The following KCNN2 variants were observed in gnomAD, a reference collection of about 807,000 sequenced individuals.
KCNN2 encodes small conductance calcium-activated potassium channel protein 2.
Under a neutral mutation model 55.5 loss-of-function variants are expected in KCNN2, and 24 were observed. The observed-to-expected ratio is 0.43, with a 90% CI of 0.31 to 0.61. KCNN2 has a LOEUF of 0.61. Ranked by LOEUF, KCNN2 falls within the 20% of genes least tolerant of loss-of-function variation. The pLI is 0.08. For synonymous variants in KCNN2, 431 were observed against 336.1 expected (o/e 1.28, Z -3.09); for missense variants, 754 against 853.6 (o/e 0.88, Z 1.45).
chr5:114,378,781 C>T (rs1014965923), intron 2 of KCNN2, among the ~76,000 whole-genome samples: 2 of 152,080 alleles, frequency 1.3e-5, no homozygotes, highest in African/African-American at 2.4e-5. Context: ...TTCTGTGACA[C>T]TGTCGGTGTG....
chr5:114,370,946 G>C (rs994817543), intron 2 of KCNN2, among the ~76,000 whole-genome samples: 1 of 137,586 alleles, frequency 7.3e-6, no homozygotes, highest in East Asian at 2.6e-4. Context: ...GATACTATTA[G>C]GTAGTTGTTG....
intron 2 of KCNN2, among the ~76,000 whole-genome samples, chr5:114,339,106 T>C (rs1461944996): frequency 6.6e-6 from 1 of 152,208 alleles, no homozygotes; most frequent in Non-Finnish European, 1.5e-5. Flanking sequence ...TTTTTCTCTT[T>C]CTTTGCCAAA....
chr5:114,198,469 C>T (rs1361868230), intron 1 of KCNN2, among the ~76,000 whole-genome samples: 2 of 150,602 alleles, frequency 1.3e-5, no homozygotes, highest in African/African-American at 4.9e-5. Context: ...CATATACACA[C>T]ACACACACAC....
At chr5:114,445,999 A>G (rs1360811542) in intron 3 of KCNN2, among the ~76,000 whole-genome samples, 1 of 152,202 alleles carries the variant, frequency 6.6e-6, no homozygotes, top group Non-Finnish European at 1.5e-5. Flanking sequence ...TGTGAAGCCT[A>G]GGATAATTCT....
intron 1 of KCNN2, among the ~76,000 whole-genome samples, chr5:114,191,049 A>G (rs1753439506): frequency 6.6e-6 from 1 of 152,188 alleles, no homozygotes; most frequent in Admixed American, 6.6e-5. Context: ...AAATACATCC[A>G]TGGTGATGAT....
chr5:114,431,849 CAG>C (rs1430169695), intron 3 of KCNN2, among the ~76,000 whole-genome samples: 1 of 152,030 alleles, frequency 6.6e-6, no homozygotes, highest in Non-Finnish European at 1.5e-5. Context: ...TGTACTATTT[CAG>C]AGTTTATTGT....
At chr5:114,419,277 G>A (rs1759401269) in intron 3 of KCNN2, among the ~76,000 whole-genome samples, 2 of 152,120 alleles carry the variant, frequency 1.3e-5, no homozygotes, top group African/African-American at 2.4e-5. Context: ...TTTTTTAATT[G>A]TTTGGCGAAA....
intron 2 of KCNN2, among the ~76,000 whole-genome samples, chr5:114,244,540 C>T (rs1046953768): frequency 6.7e-6 from 1 of 150,348 alleles, no homozygotes; most frequent in East Asian, 2.0e-4. Flanking sequence ...GAGGTTACAG[C>T]GAGCCGAGAT....
At chr5:114,268,841 T>C (rs1420991775) in intron 2 of KCNN2, among the ~76,000 whole-genome samples, 5 of 151,988 alleles carry the variant, frequency 3.3e-5, no homozygotes, top group African/African-American at 1.2e-4. Flanking sequence ...ACAAATGTAA[T>C]TGAGTACCAC....
At chr5:114,487,576 T>C (rs941529916) in intron 6 of KCNN2, among the ~76,000 whole-genome samples, 5 of 152,208 alleles carry the variant, frequency 3.3e-5, no homozygotes, top group Admixed American at 6.5e-5. Context: ...AATTTTAAGT[T>C]AGTTTTTAAT....
chr5:114,218,722 A>G (rs1292019684), intron 1 of KCNN2, among the ~76,000 whole-genome samples: 2 of 152,218 alleles, frequency 1.3e-5, no homozygotes, highest in Non-Finnish European at 2.9e-5. Context: ...AATGTAAACT[A>G]TGGACTTCGG....
intron 1 of KCNN2, among the ~76,000 whole-genome samples, chr5:114,194,932 A>G (rs906641730): frequency 6.7e-6 from 1 of 149,902 alleles, no homozygotes; most frequent in African/African-American, 2.5e-5. Flanking sequence ...TCCCAGTGCC[A>G]TCTGTTGAGA....
chr5:114,120,002 T>C (rs998539103), intron 1 of KCNN2, among the ~76,000 whole-genome samples: 6 of 152,112 alleles, frequency 3.9e-5, no homozygotes, highest in African/African-American at 1.4e-4. Flanking sequence ...TGTGCAAACT[T>C]ATTTATTTAC....
At chr5:114,196,305 A>G (rs985054051) in intron 1 of KCNN2, among the ~76,000 whole-genome samples, 1 of 151,994 alleles carries the variant, frequency 6.6e-6, no homozygotes, top group South Asian at 2.1e-4. Context: ...ATCTGTGTTC[A>G]TAAGGGATAT....
intron 1 of KCNN2, among the ~76,000 whole-genome samples, chr5:114,215,177 A>G (rs1016541116): frequency 6.6e-6 from 1 of 152,176 alleles, no homozygotes; most frequent in African/African-American, 2.4e-5. Context: ...TTGTATAGGA[A>G]GCCAGCAAGA....
At chr5:114,214,770 G>A (rs1266161980) in intron 1 of KCNN2, among the ~76,000 whole-genome samples, 20 of 152,098 alleles carry the variant, frequency 1.3e-4, no homozygotes, top group Admixed American at 1.1e-3. Context: ...TACAACCTGA[G>A]TGCCTTTCAG....
Position 114,095,318 on chromosome 5 carries a change from T to C in KCNN2, c.-271+38818T>C, listed in dbSNP as rs574877613. Among the ~76,000 whole-genome samples, 232 of 152,312 alleles carry C rather than the reference T, an allele frequency of 1.5e-3. 1 individual carries two copies. The highest frequency in any genetic ancestry group is 9.3e-3 in the South Asian group (45 of 4,824). On this transcript the variant is annotated intron_variant, in intron 1 of 10. Transcript: ENST00000512097. ...CTTGTGAGGTTTCTGGCACTGTGCC[T>C]TATCTCTTTTAAACTTCCCAACAAG...
At chr5:114,157,119 A>C (rs935036472) in intron 1 of KCNN2, among the ~76,000 whole-genome samples, 2 of 151,384 alleles carry the variant, frequency 1.3e-5, no homozygotes, top group Non-Finnish European at 2.9e-5. Flanking sequence ...CTTGTCATTT[A>C]GCATTAGGTA....
intron 2 of KCNN2, among the ~76,000 whole-genome samples, chr5:114,325,585 C>T (rs544311189): frequency 6.6e-6 from 1 of 152,182 alleles, no homozygotes; most frequent in Non-Finnish European, 1.5e-5. Context: ...AAGCCTTAAT[C>T]GTCAGCCATC....
Sources: allele counts gnomAD v4.1 joint callset (sites outside exome capture counted in the v4.1 genomes callset), GRCh38; gene constraint gnomAD v4.1.1; transcripts MANE v1.5; gene names NCBI Gene and HGNC (gene_info 2026-07-23, HGNC 2026-07-21).